The following LAT2 variants were observed in gnomAD, a reference collection of about 807,000 sequenced individuals.
LAT2 encodes linker for activation of T-cells family member 2.
In LAT2, 23 loss-of-function variants were observed where a neutral mutation model predicts 43.4. The ratio of observed to expected loss-of-function variants is 0.53; its 90% CI spans 0.38 to 0.75. The LOEUF (loss-of-function observed/expected upper bound fraction) is 0.75. Among genes scored for constraint, LAT2 ranks in the 30% least tolerant of loss-of-function variants. The pLI is 0.00. For missense variants in LAT2, 284 were observed against 310.2 expected, an observed-to-expected ratio of 0.92 and a Z score of 0.64; for synonymous variants, 128 against 123.2, an observed-to-expected ratio of 1.04 and a Z score of -0.26.
chr7:74,224,667 C>G lies in LAT2; in HGVS notation c.657C>G (p.Gly219=). 6.2e-7 allele frequency: 1 copy of G among 1,606,742 alleles called. No individual in the cohort carries two copies. Among genetic ancestry groups the G allele is most frequent in the African/African-American group, 1.3e-5 (1 of 74,954 alleles). Residue 219 remains glycine, a synonymous_variant, in exon 13 of 14, where the codon GGC becomes GGG. Transcript: ENST00000460943. ...MGQLQREASP[G]PVGSPDEEDG... ...AACTCCAGAGAGAAGCATCCCCTGG[C>G]CCGGTGGGAAGCCCAGACGAGGAGG...
At chr7:74,213,421 ATT>A (rs1174359277) in intron 1 of LAT2, among the ~76,000 whole-genome samples, 75 of 103,336 alleles carry the variant, frequency 7.3e-4, no homozygotes, top group African/African-American at 2.6e-3. Flanking sequence ...GTGCCCGGCC[ATT>A]TTTTTTTTTT....
chr7:74,219,919 GC>G (rs782154329), intron 5 of LAT2, 40 bp from the exon 6 acceptor site: 48 of 1,612,568 alleles, frequency 3.0e-5, no homozygotes, highest in Non-Finnish European at 3.9e-5. Flanking sequence ...GGCTGGGCTA[GC>G]TGGGGGCCCA....
At position 74,222,822 on chromosome 7, in the gene LAT2, G is replaced by T. The variant is rs182009459; in HGVS notation, c.389-902G>T. On this transcript the variant is annotated intron_variant, in intron 10 of 13. Coordinates refer to ENST00000460943, the MANE Select transcript of LAT2 (RefSeq NM_032464.3). ...ACTCCTGACCTCAGGTGATCCGCCCGCCTTGGCCTCCCAAAGTGCTGGGAT... is the reference window on the plus strand; with the variant it reads ...ACTCCTGACCTCAGGTGATCCGCCCTCCTTGGCCTCCCAAAGTGCTGGGAT... Among the ~76,000 whole-genome samples the T allele has an allele frequency of 3.3e-3, 495 of 152,214 alleles. 2 individuals are homozygous for T. The highest frequency in any genetic ancestry group is 0.011 in the African/African-American group (473 of 41,552).
At chr7:74,211,813 A>G (rs572216548) in intron 1 of LAT2, among the ~76,000 whole-genome samples, 6 of 151,888 alleles carry the variant, frequency 4.0e-5, no homozygotes, top group Non-Finnish European at 8.8e-5. Flanking sequence ...GCTGGTCTTG[A>G]ACTCCTGACC....
In LAT2 at chr7:74,221,703, G is replaced by A; in HGVS notation, c.388+11G>A. 1.2e-6 allele frequency: 2 copies of A among 1,608,624 alleles called. No homozygotes were observed. The highest frequency in any genetic ancestry group is 1.7e-6 in the Non-Finnish European group (2 of 1,177,568). On this transcript the variant is annotated intron_variant, in intron 10 of 13. Transcript: ENST00000460943. ...CGAAGCCCCCAGAAGGTGAGGCGAAGGACAAAGCCGGAGGTGGAGGAAGTG... is the reference window on the plus strand; with the variant it reads ...CGAAGCCCCCAGAAGGTGAGGCGAAAGACAAAGCCGGAGGTGGAGGAAGTG...
Position 74,221,575 on chromosome 7 carries a change from G to T in LAT2, c.333-62G>T, listed in dbSNP as rs568034283. On this transcript the variant is annotated intron_variant, in intron 9 of 13. Transcript: ENST00000460943. ...GCCCTGGCCTCACCGCCCCCTTATG[G>T]AGCCCCCAACCCGATCTCCAGCCTG... 1.7e-5 allele frequency: 24 copies of T among 1,407,466 alleles called. No individual in the cohort carries two copies. In the South Asian group the frequency reaches 2.1e-4, roughly 12 times the overall value. 87.2% of individuals were successfully genotyped at this position (1,407,466 alleles called of 1,614,324 possible). A position where few individuals can be genotyped will look rare whatever the true frequency, so the allele number is the denominator to read the frequency against.
At chr7:74,224,303 A>T (rs958016372) in intron 12 of LAT2, 106 bp downstream of exon 12, 11 of 1,216,644 alleles carry the variant, frequency 9.0e-6, no homozygotes, top group African/African-American at 1.5e-5. Context: ...AGTCCAGCTA[A>T]CCCCGCAGTG....
At chr7:74,228,866 A>C (rs1161607697) in intron 13 of LAT2, 78 bp from the exon 14 acceptor site, 1 of 152,206 alleles carries the variant, frequency 6.6e-6, no homozygotes, top group South Asian at 2.1e-4. Flanking sequence ...GGTGTCCCCA[A>C]ACCAGTGGTT....
chr7:74,219,909 G>T, intron 5 of LAT2, 51 bp from the exon 6 acceptor site: 1 of 1,612,670 alleles, frequency 6.2e-7, no homozygotes, highest in East Asian at 2.2e-5. Context: ...GGGGTGAGGG[G>T]GCTGGGCTAG....
intron 3 of LAT2, among the ~76,000 whole-genome samples, chr7:74,216,588 T>C (rs1180344239): frequency 2.0e-5 from 3 of 152,108 alleles, no homozygotes; most frequent in African/African-American, 7.2e-5. Context: ...GCCAGGCTGG[T>C]CACGAACTGC....
intron 13 of LAT2, chr7:74,226,435 G>A (rs1395370166): frequency 6.6e-6 from 1 of 152,312 alleles, no homozygotes; most frequent in African/African-American, 2.4e-5. Context: ...TTGCTGCAGT[G>A]AGCTGTGGTC....
chr7:74,223,779 G>C lies in LAT2; in HGVS notation c.444G>C (p.Glu148Asp), dbSNP rs782746475. 1.1e-5 allele frequency: 17 copies of C among 1,613,788 alleles called. No homozygotes were observed. Among genetic ancestry groups the C allele is most frequent in the Non-Finnish European group, 1.4e-5 (16 of 1,179,960 alleles). Residue 148 changes from glutamate (E) to aspartate (D), a missense_variant, in exon 11 of 14, where the codon GAG becomes GAC. Coordinates refer to ENST00000460943, the MANE Select transcript of LAT2 (RefSeq NM_032464.3). The stretch of plus-strand genomic sequence containing the variant: ...TCATTTGCAAGCAGAAAACCACAGA[G>C]ACAGGTGAGGCTGCCCAGCCAGAGG... Reference protein sequence around the residue: ...NVLICKQKTTETGAQQEGIGG... With the variant: ...NVLICKQKTTDTGAQQEGIGG...
rs781806954 is a variant in LAT2, at chr7:74,219,009, C to CTTT, written c.135-699_135-697dup. Among the ~76,000 whole-genome samples, 6 of 48,804 alleles carry CTTT rather than the reference C, an allele frequency of 1.2e-4. 3 individuals carry two copies. Among genetic ancestry groups the CTTT allele is most frequent in the Non-Finnish European group, 2.3e-4 (6 of 25,700 alleles). The allele number at this position is 48,804 out of a possible 152,430, so 32.0% of individuals were successfully genotyped here. ...CACCATGCCGGGTCTAGAGTGTGTG[C>CTTT]TTTTTTTTTTTTTTTTTTTTTTTTT... is the stretch of plus-strand genomic sequence containing the variant. On this transcript the variant is annotated intron_variant, in intron 4 of 13. Transcript: ENST00000460943.
chr7:74,217,317 G>T (rs1397716072), intron 4 of LAT2, among the ~76,000 whole-genome samples: 2 of 152,106 alleles, frequency 1.3e-5, no homozygotes, highest in Non-Finnish European at 2.9e-5. Context: ...TCTACTCCCA[G>T]CTACTCTGGA....
At position 74,224,121 on chromosome 7, in the gene LAT2, GGAA is replaced by G. The variant is rs782162493; in HGVS notation, c.558_560del (p.Glu186del). The G allele has an allele frequency of 2.8e-5, 46 of 1,614,044 alleles. No homozygotes were observed. Among genetic ancestry groups the G allele is most frequent in the South Asian group, 1.8e-4 (16 of 91,092 alleles). On this transcript the variant is annotated inframe_deletion, in exon 12 of 14. Coordinates refer to ENST00000460943, the MANE Select transcript of LAT2 (RefSeq NM_032464.3). Reference sequence around the variant, plus strand: ...CTGGTCTCTGTCCCTCTGCCTCCCCGGAAGAAGATGAGGAATCTGAGGATTATC... The same window carrying G: ...CTGGTCTCTGTCCCTCTGCCTCCCCGGAAGATGAGGAATCTGAGGATTATC...
intron 9 of LAT2, among the ~76,000 whole-genome samples, chr7:74,221,090 G>C (rs1366352604): frequency 6.6e-6 from 1 of 152,086 alleles, no homozygotes; most frequent in Non-Finnish European, 1.5e-5. Flanking sequence ...CTCACAGATG[G>C]GCAAACGATG....
intron 13 of LAT2, among the ~76,000 whole-genome samples, chr7:74,227,055 CTTTT>C (rs35992128): frequency 7.5e-6 from 1 of 133,864 alleles, no homozygotes; most frequent in Non-Finnish European, 1.6e-5. Context: ...GTTGTTTTTT[CTTTT>C]TTTTTTTTTT....
intron 1 of LAT2, among the ~76,000 whole-genome samples, chr7:74,214,179 AAT>A (rs1801867001): frequency 2.1e-5 from 2 of 94,420 alleles, no homozygotes; most frequent in African/African-American, 9.9e-5. Context: ...TATATATGAA[AAT>A]ATATATAAAT....
At chr7:74,214,641 T>C (rs1346809687) in intron 1 of LAT2, among the ~76,000 whole-genome samples, 181 bp from the exon 2 acceptor site, 3 of 43,514 alleles carry the variant, frequency 6.9e-5, no homozygotes, top group Non-Finnish European at 1.0e-4. Context: ...TATATATATA[T>C]GAAAATATAT....
Sources: gnomAD v4.1 joint callset for allele counts (sites outside exome capture counted in the v4.1 genomes callset) on GRCh38, gnomAD v4.1.1 for gene constraint, MANE v1.5 for transcripts, NCBI Gene and HGNC (gene_info 2026-07-23, HGNC 2026-07-21) for gene names.